BCR: variants seen among roughly 807,000 people sequenced by gnomAD.
The protein encoded by BCR is BCR activator of RhoGEF and GTPase, also known as breakpoint cluster region protein.
In BCR, 58 loss-of-function variants were observed where a neutral mutation model predicts 138.6. The observed-to-expected ratio is 0.42, with a 90% confidence interval of 0.34 to 0.52. The LOEUF is 0.52. Among genes scored for constraint, BCR ranks in the 20% least tolerant of loss-of-function variants. The pLI is 0.06. For missense variants in BCR, 1,599 were observed against 1,727.2 expected (o/e 0.93, Z 1.32); for synonymous variants, 786 against 730.1 (o/e 1.08, Z -1.23).
chr22:23,194,660 C>T (rs1016464686), intron 1 of BCR, among the ~76,000 whole-genome samples: 1 of 152,068 alleles, frequency 6.6e-6, no homozygotes, highest in Non-Finnish European at 1.5e-5. Flanking sequence ...GATCCACCCA[C>T]CTCGGCCTCC....
Position 23,314,653 on chromosome 22 carries a change from C to T in BCR, c.3665C>T (p.Pro1222Leu). ...CCCTCCGAGAAGGAGAGCAAGCTCC[C>T]TGCCAACCCCAGCCAGCCTATCACC... ...LRPSEKESKLPANPSQPITMT... is the reference protein window; with the variant it reads ...LRPSEKESKLLANPSQPITMT... The change falls in exon 22 of 23, where the codon CCT becomes CTT. Residue 1222 changes from proline to leucine, a missense_variant. By Grantham distance (98) the Pro-to-Leu change is moderately conservative (BLOSUM62 -3). Around this residue, in one of 4 missense-constraint regions of BCR, gnomAD observed 177 missense variants for 226.4 expected, o/e 0.78. Transcript: ENST00000305877. 1.2e-6 allele frequency: 2 copies of T among 1,611,998 alleles called. No homozygotes were observed. Among genetic ancestry groups the T allele is most frequent in the African/African-American group, 1.3e-5 (1 of 74,984 alleles).
At position 23,181,296 on chromosome 22, in the gene BCR, G is replaced by A. The variant is rs1488209381; in HGVS notation, c.336G>A (p.Glu112=). Residue 112 remains glutamate, a synonymous_variant, in exon 1 of 23, where the codon GAG becomes GAA. Transcript: ENST00000305877. ...ADGADPPPAE[E]PEARPDGEGS... is the part of the protein sequence containing the mutation. Reference sequence around the variant, plus strand: ...GAGCCGACCCGCCGCCCGCCGAGGAGCCCGAGGCCCGGCCCGACGGCGAGG... The same window carrying A: ...GAGCCGACCCGCCGCCCGCCGAGGAACCCGAGGCCCGGCCCGACGGCGAGG... 1 of 1,334,380 alleles carries A rather than the reference G, an allele frequency of 7.5e-7. No individual in the cohort carries two copies. The highest frequency in any genetic ancestry group is 2.0e-5 in the South Asian group (1 of 49,366). The allele number at this position is 1,334,380 out of a possible 1,614,324, so 82.7% of individuals were successfully genotyped here.
chr22:23,239,971 C>G (rs1266751841), intron 1 of BCR, among the ~76,000 whole-genome samples: 1 of 152,130 alleles, frequency 6.6e-6, no homozygotes, highest in Non-Finnish European at 1.5e-5. Context: ...ACTTGACCAC[C>G]ATACCTGGCT....
intron 1 of BCR, 38 bp from the exon 2 acceptor site, chr22:23,253,761 C>A: frequency 6.3e-7 from 1 of 1,579,122 alleles, no homozygotes. Flanking sequence ...ATGCTCCCTT[C>A]TCTGTCTCTA....
rs746063214 is a variant in BCR, at chr22:23,182,208, C to T, written c.1248C>T (p.Asn416=). ...GCAAGACCGGGCAGATCTGGCCCAA[C>T]GATGGCGAGGGCGCCTTCCATGGAG... ...GVRKTGQIWP[N]DGEGAFHGDA... is the part of the protein sequence containing the mutation. Residue 416 remains asparagine (N), a synonymous_variant, in exon 1 of 23, where the codon AAC becomes AAT. Coordinates refer to ENST00000305877, the MANE Select transcript of BCR (RefSeq NM_004327.4). 3 of 1,585,006 alleles carry T rather than the reference C, an allele frequency of 1.9e-6. No homozygotes were observed. Among genetic ancestry groups the T allele is most frequent in the Non-Finnish European group, 1.7e-6 (2 of 1,169,090 alleles).
In BCR at chr22:23,273,145, C is replaced by T. The variant is rs200666684; in HGVS notation, c.1974+12C>T. The T allele has an allele frequency of 2.0e-4, 315 of 1,612,374 alleles. No homozygotes were observed. Among genetic ancestry groups the T allele is most frequent in the Admixed American group, 2.5e-4 (15 of 59,980 alleles). On this transcript the variant is annotated intron_variant, in intron 7 of 22. Transcript: ENST00000305877. ...CGCTGGTCCTCCATGTAAGTCACAG[C>T]GCCCCTCTGGACCGGGACCAAAACT...
At chr22:23,198,515 C>G (rs893973501) in intron 1 of BCR, 3 of 246,508 alleles carry the variant, frequency 1.2e-5, no homozygotes, top group African/African-American at 4.7e-5. Context: ...CATGTTGTAG[C>G]TATGCTTTGA....
Position 23,290,726 on chromosome 22 carries a change from G to A in BCR, c.2782+313G>A, listed in dbSNP as rs187180874. The A allele has an allele frequency of 4.7e-3, 1,753 of 371,502 alleles. 15 individuals are homozygous for A. The highest frequency in any genetic ancestry group is 6.8e-3 in the Non-Finnish European group (1,317 of 194,180). The allele number at this position is 371,502 out of a possible 1,614,324, so 23.0% of individuals were successfully genotyped here. A position where few individuals can be genotyped will look rare whatever the true frequency, so the allele number is the denominator to read the frequency against. On this transcript the variant is annotated intron_variant, in intron 14 of 22. Coordinates refer to ENST00000305877, the MANE Select transcript of BCR (RefSeq NM_004327.4). ...TTGACAGACATCCCCAGGGGTGCCC[G>A]GGAGTGTGGGGTCCAAGCCAGGAGG... is the stretch of plus-strand genomic sequence containing the variant.
intron 1 of BCR, among the ~76,000 whole-genome samples, chr22:23,220,038 G>A (rs952710051): frequency 1.3e-5 from 2 of 152,170 alleles, no homozygotes; most frequent in East Asian, 3.9e-4. Context: ...CTGGTGTCAT[G>A]TGTGGCTGCA....
At chr22:23,194,442 G>A (rs774952416) in intron 1 of BCR, among the ~76,000 whole-genome samples, 17 of 147,658 alleles carry the variant, frequency 1.2e-4, no homozygotes, top group Non-Finnish European at 1.0e-4. Flanking sequence ...ATGGGGTCTC[G>A]CTCTGTCGCC....
intron 22 of BCR, among the ~76,000 whole-genome samples, chr22:23,315,198 T>C (rs2074055607): frequency 6.6e-6 from 1 of 152,066 alleles, no homozygotes; most frequent in African/African-American, 2.4e-5. Context: ...TACTCCAGCC[T>C]GGGGGACAGA....
Position 23,288,196 on chromosome 22 carries a change from G to A in BCR, c.2602+24G>A, listed in dbSNP as rs767237992. ...GTGTGAGTATCCTCTGTCCTGAGAG[G>A]GGCTGGGCTTCAAACCATTAGGGCC... On this transcript the variant is annotated intron_variant, in intron 12 of 22. Coordinates refer to ENST00000305877, the MANE Select transcript of BCR (RefSeq NM_004327.4). The A allele has an allele frequency of 4.3e-6, 7 of 1,610,046 alleles. No individual in the cohort carries two copies. The Admixed American group carries it at 1.2e-4, about 27-fold the overall frequency.
chr22:23,180,852 C>CG lies in BCR; in HGVS notation c.-106dup, dbSNP rs201435938. 0.99 allele frequency: 563,067 copies of CG among 568,762 alleles called. 278,927 individuals carry two copies. The highest frequency in any genetic ancestry group is 1 in the Middle Eastern group (1,144 of 1,146). 35.2% of individuals were successfully genotyped at this position (568,762 alleles called of 1,614,324 possible). ...ATTGTTCGCCGCCGCCGCCGCCGCG[C>CG]GGGCCATGGGGGCCGCCCGGCGCCC... On this transcript the variant is annotated 5_prime_UTR_variant, in exon 1 of 23. Coordinates refer to ENST00000305877, the MANE Select transcript of BCR (RefSeq NM_004327.4).
At chr22:23,254,505 C>T (rs1265748560) in intron 2 of BCR, 1 of 519,134 alleles carries the variant, frequency 1.9e-6, no homozygotes, top group Non-Finnish European at 3.8e-6. Context: ...GGTCTCATGG[C>T]TAGTGAGTAG....
intron 1 of BCR, among the ~76,000 whole-genome samples, chr22:23,191,629 C>T (rs1229595408): frequency 1.3e-5 from 2 of 152,136 alleles, no homozygotes; most frequent in Non-Finnish European, 2.9e-5. Flanking sequence ...GCAGGATGGG[C>T]CACACTCTGG....
chr22:23,279,618 G>A (rs867202459), intron 8 of BCR, among the ~76,000 whole-genome samples: 7 of 152,342 alleles, frequency 4.6e-5, no homozygotes, highest in Middle Eastern at 6.8e-3. Context: ...CTCCACCTTG[G>A]TCTTCACTTG....
At position 23,250,212 on chromosome 22, in the gene BCR, G is replaced by A. The variant is rs752622082; in HGVS notation, c.1280-3587G>A. Among the ~76,000 whole-genome samples, 7 of 152,164 alleles carry A rather than the reference G, an allele frequency of 4.6e-5. No individual in the cohort carries two copies. The East Asian group carries it at 1.2e-3, about 25-fold the overall frequency. ...TTCTTGCTGGGCTGACTCCCTACTC[G>A]GTGTTGACTTGACCTTACACGGGAG... On this transcript the variant is annotated intron_variant, in intron 1 of 22. Transcript: ENST00000305877.
chr22:23,300,225 A>G (rs978982631), intron 16 of BCR, among the ~76,000 whole-genome samples: 5 of 152,100 alleles, frequency 3.3e-5, no homozygotes, highest in African/African-American at 9.7e-5. Context: ...TCCTGCCCCC[A>G]GCTCCTGTTA....
At chr22:23,216,482 C>T (rs2072753521) in intron 1 of BCR, among the ~76,000 whole-genome samples, 1 of 152,206 alleles carries the variant, frequency 6.6e-6, no homozygotes, top group Non-Finnish European at 1.5e-5. Context: ...GTAGACGATT[C>T]TGTCATCATC....
Sources: allele counts gnomAD v4.1 joint callset (sites outside exome capture counted in the v4.1 genomes callset), GRCh38; gene constraint gnomAD v4.1.1; regional missense constraint gnomAD v4.1.1; transcripts MANE v1.5; gene names NCBI Gene and HGNC (gene_info 2026-07-23, HGNC 2026-07-21).